Variants in RFX8 observed in about 807,000 individuals in gnomAD.
RFX8 encodes the protein DNA-binding protein RFX8.
A neutral mutation model predicts 54.6 loss-of-function variants in RFX8; 46 were observed. The ratio of observed to expected loss-of-function variants is 0.84; its 90% CI spans 0.67 to 1.08. The LOEUF is 1.08. Ranked by LOEUF, RFX8 falls within the 50% of genes least tolerant of loss-of-function variation. RFX8 has a pLI of 0.00. For synonymous variants in RFX8, 192 were observed against 209.5 expected (o/e 0.92, Z 0.72); for missense variants, 536 against 562.3 (o/e 0.95, Z 0.47).
chr2:101,444,011 A>G (rs1688242432), intron 2 of RFX8, among the ~76,000 whole-genome samples: 1 of 151,634 alleles, frequency 6.6e-6, no homozygotes, highest in Non-Finnish European at 1.5e-5. Context: ...TAGCGTCACT[A>G]CTCTCCACCT....
rs1244944087 is a variant in RFX8, at chr2:101,466,761, A to G, written c.72+16T>C. On this transcript the variant is annotated intron_variant, in intron 2 of 11. Coordinates refer to ENST00000428343, the MANE Select transcript of RFX8 (RefSeq NM_001145664.2). ...GCACTCAGTGAATAGAGCGTTCTTA[A>G]TCTTCAACAACTTACCTTCCCAAAG... The G allele has an allele frequency of 6.5e-7, 1 of 1,539,016 alleles. No homozygotes were observed. The highest frequency in any genetic ancestry group is 2.0e-5 in the Admixed American group (1 of 50,986).
intron 2 of RFX8, among the ~76,000 whole-genome samples, chr2:101,427,599 G>A (rs577267335): frequency 1.3e-5 from 2 of 152,294 alleles, no homozygotes; most frequent in South Asian, 2.1e-4. Context: ...ACAGATTTGT[G>A]TTGTTTTAAG....
intron 11 of RFX8, among the ~76,000 whole-genome samples, chr2:101,399,434 T>C (rs573964597): frequency 1.8e-4 from 27 of 152,354 alleles, no homozygotes; most frequent in South Asian, 1.7e-3. Context: ...TACCTTGGAT[T>C]ACCTGACATT....
intron 7 of RFX8, among the ~76,000 whole-genome samples, chr2:101,414,203 A>G (rs1395806452): frequency 6.6e-6 from 1 of 152,198 alleles, no homozygotes; most frequent in Non-Finnish European, 1.5e-5. Flanking sequence ...AGGCTCTGCT[A>G]TGACGCCCTG....
chr2:101,449,193 G>T (rs1688551816), intron 2 of RFX8, among the ~76,000 whole-genome samples: 1 of 149,484 alleles, frequency 6.7e-6, no homozygotes, highest in South Asian at 2.1e-4. Flanking sequence ...GCAACACACG[G>T]TTGGAAAGTG....
chr2:101,435,765 T>C (rs1008760795), intron 2 of RFX8, among the ~76,000 whole-genome samples: 1 of 152,144 alleles, frequency 6.6e-6, no homozygotes, highest in Non-Finnish European at 1.5e-5. Context: ...GGAGGGGGAA[T>C]GTGCTGGACT....
chr2:101,442,159 G>A (rs1688134474), intron 2 of RFX8, among the ~76,000 whole-genome samples: 2 of 152,204 alleles, frequency 1.3e-5, no homozygotes, highest in South Asian at 4.1e-4. Context: ...TACTTTGAGT[G>A]AGGTGTGGAA....
chr2:101,427,502 T>C (rs962001790), intron 2 of RFX8, among the ~76,000 whole-genome samples: 1 of 152,132 alleles, frequency 6.6e-6, no homozygotes, highest in African/African-American at 2.4e-5. Context: ...TTCCCTAGAA[T>C]GTCCGGGAGG....
At chr2:101,472,105 T>C (rs1690033071) in intron 1 of RFX8, among the ~76,000 whole-genome samples, 1 of 152,184 alleles carries the variant, frequency 6.6e-6, no homozygotes, top group Non-Finnish European at 1.5e-5. Context: ...TTTTGGGTTT[T>C]TTATTTTGTT....
rs1243957230 is a variant in RFX8 at position 101,466,786 on chromosome 2, G to T, written c.63C>A (p.Thr21=). 6.4e-7 allele frequency: 1 copy of T among 1,551,000 alleles called. No homozygotes were observed. The highest frequency in any genetic ancestry group is 8.7e-7 in the Non-Finnish European group (1 of 1,146,392). Reference sequence around the variant, plus strand: ...ATCTTCAACAACTTACCTTCCCAAAGGTGGCCGGGTTGACTTGGTTCTCAG... The same window carrying T: ...ATCTTCAACAACTTACCTTCCCAAATGTGGCCGGGTTGACTTGGTTCTCAG... The part of the protein sequence containing the change: ...QNTENQVNPA[T]FGKCEDHSPM... Residue 21 remains threonine (T), a synonymous_variant, in exon 2 of 12, where the codon ACC becomes ACA. Coordinates refer to ENST00000428343, the MANE Select transcript of RFX8 (RefSeq NM_001145664.2).
At chr2:101,427,104 C>T (rs1281612767) in intron 2 of RFX8, among the ~76,000 whole-genome samples, 1 of 152,170 alleles carries the variant, frequency 6.6e-6, no homozygotes, top group Non-Finnish European at 1.5e-5. Flanking sequence ...TCAAAATGAA[C>T]ACCCTCCTAA....
intron 1 of RFX8, among the ~76,000 whole-genome samples, chr2:101,469,480 G>A (rs1689855779): frequency 6.6e-6 from 1 of 151,956 alleles, no homozygotes; most frequent in Non-Finnish European, 1.5e-5. Flanking sequence ...GACACTACTT[G>A]TTGATATATG....
intron 2 of RFX8, chr2:101,428,884 G>T: frequency 2.2e-6 from 2 of 927,010 alleles, no homozygotes; most frequent in Non-Finnish European, 3.4e-6. Context: ...AAAACAGCTG[G>T]ATCGAATTAA....
intron 2 of RFX8, among the ~76,000 whole-genome samples, chr2:101,434,561 T>C (rs1465895800): frequency 6.6e-6 from 1 of 152,108 alleles, no homozygotes; most frequent in African/African-American, 2.4e-5. Context: ...GACGTTGCAT[T>C]GCACGGGCGT....
In RFX8 at chr2:101,468,785, A is replaced by G. The variant is rs79328852; in HGVS notation, c.-52-1885T>C. Among the ~76,000 whole-genome samples the G allele has an allele frequency of 6.3e-3, 947 of 151,468 alleles. 9 individuals are homozygous for G. Among genetic ancestry groups the G allele is most frequent in the African/African-American group, 0.022 (888 of 41,226 alleles). On this transcript the variant is annotated intron_variant, in intron 1 of 11. Transcript: ENST00000428343. Reference sequence around the variant, plus strand: ...AACCCAGTACAGGCATCAAGGAAGTAGATTTTTCTGGGATGCTTCCCAAAA... The same window carrying G: ...AACCCAGTACAGGCATCAAGGAAGTGGATTTTTCTGGGATGCTTCCCAAAA...
intron 6 of RFX8, among the ~76,000 whole-genome samples, chr2:101,416,258 C>A (rs1686503209): frequency 6.6e-6 from 1 of 152,194 alleles, no homozygotes. Flanking sequence ...AATGAAGAGA[C>A]AGAGGCTTGA....
At chr2:101,435,807 T>A (rs935982433) in intron 2 of RFX8, among the ~76,000 whole-genome samples, 4 of 141,580 alleles carry the variant, frequency 2.8e-5, no homozygotes, top group African/African-American at 5.2e-5. Context: ...ATGGCACACA[T>A]TGCACATTTA....
chr2:101,422,106 A>T (rs894629780), intron 3 of RFX8, among the ~76,000 whole-genome samples: 6 of 152,148 alleles, frequency 3.9e-5, no homozygotes, highest in African/African-American at 1.4e-4. Flanking sequence ...ATTTCTAGAA[A>T]ATCCATATAT....
At chr2:101,402,023 A>T (rs1685467404) in intron 11 of RFX8, among the ~76,000 whole-genome samples, 1 of 152,242 alleles carries the variant, frequency 6.6e-6, no homozygotes, top group African/African-American at 2.4e-5. Flanking sequence ...TGTATCTTTC[A>T]ACAGGTATCC....
Sources: gnomAD v4.1 joint callset for allele counts (sites outside exome capture counted in the v4.1 genomes callset) on GRCh38, gnomAD v4.1.1 for gene constraint, MANE v1.5 for transcripts, NCBI Gene and HGNC (gene_info 2026-07-23, HGNC 2026-07-21) for gene names.